TRHDE: variants seen among roughly 807,000 people sequenced by gnomAD.
TRHDE encodes thyrotropin-releasing hormone-degrading ectoenzyme.
A neutral mutation model predicts 125.7 loss-of-function variants in TRHDE; 72 were observed. That is an observed-to-expected ratio of 0.57 (90% confidence interval 0.47 to 0.70). The LOEUF (loss-of-function observed/expected upper bound fraction) is 0.70, where lower values mean the gene tolerates loss of function less well. TRHDE is among the 30% of genes least tolerant of loss of function. TRHDE has a pLI of 0.00. For synonymous variants in TRHDE, 509 were observed against 509.1 expected (o/e 1.00, Z 0.00); for missense variants, 1,110 against 1,327.1 (o/e 0.84, Z 2.54).
At chr12:72,120,798 C>T (rs920377243) in intron 2 of TRHDE, among the ~76,000 whole-genome samples, 1 of 151,630 alleles carries the variant, frequency 6.6e-6, no homozygotes, top group African/African-American at 2.4e-5. Context: ...CCTGCCTCAG[C>T]CTCCTGAGTA....
intron 2 of TRHDE, among the ~76,000 whole-genome samples, chr12:72,227,357 G>A (rs1394274461): frequency 6.6e-6 from 1 of 152,042 alleles, no homozygotes; most frequent in Non-Finnish European, 1.5e-5. Context: ...GCAGGCAAGC[G>A]AGAGCTTGTG....
intron 2 of TRHDE, among the ~76,000 whole-genome samples, chr12:72,198,117 C>T (rs1877480828): frequency 6.6e-6 from 1 of 151,978 alleles, no homozygotes; most frequent in Non-Finnish European, 1.5e-5. Context: ...TTTCAAGATT[C>T]ATTCATCTTA....
intron 2 of TRHDE, among the ~76,000 whole-genome samples, chr12:72,178,636 G>A (rs1294239946): frequency 6.6e-6 from 1 of 152,058 alleles, no homozygotes; most frequent in Non-Finnish European, 1.5e-5. Flanking sequence ...GCTGAGTGGA[G>A]TAGTTCCAGA....
chr12:72,185,682 C>A (rs1254577290), intron 2 of TRHDE, among the ~76,000 whole-genome samples: 1 of 151,040 alleles, frequency 6.6e-6, no homozygotes, highest in Non-Finnish European at 1.5e-5. Context: ...TGTAAATACA[C>A]CAATCAGCAC....
At chr12:72,619,061 T>C (rs1677485597) in intron 13 of TRHDE, 23 bp downstream of exon 13, 1 of 1,505,206 alleles carries the variant, frequency 6.6e-7, no homozygotes, top group Admixed American at 2.3e-5. Flanking sequence ...AATTTTTCTT[T>C]CTAATTTTTA....
intron 2 of TRHDE, among the ~76,000 whole-genome samples, chr12:72,138,659 T>C (rs959028845): frequency 2.0e-5 from 3 of 152,242 alleles, no homozygotes; most frequent in African/African-American, 7.2e-5. Flanking sequence ...CAGATAATTG[T>C]GTGCAAGGTG....
chr12:72,292,016 ATG>A (rs1446280225), intron 2 of TRHDE, among the ~76,000 whole-genome samples: 1 of 152,208 alleles, frequency 6.6e-6, no homozygotes, highest in African/African-American at 2.4e-5. Context: ...TTGGCTTTTT[ATG>A]TATCAAGTTA....
intron 10 of TRHDE, among the ~76,000 whole-genome samples, chr12:72,569,637 C>T (rs184430803): frequency 6.6e-5 from 10 of 152,238 alleles, no homozygotes; most frequent in Admixed American, 3.3e-4. Flanking sequence ...GTCAGCAGTA[C>T]GAACACTTAC....
intron 7 of TRHDE, among the ~76,000 whole-genome samples, chr12:72,555,694 T>C: frequency 6.6e-6 from 1 of 152,192 alleles, no homozygotes; most frequent in South Asian, 2.1e-4. Context: ...GTAGTCTCCT[T>C]GCTCCTGTTT....
chr12:72,221,974 T>C (rs533248870), intron 2 of TRHDE, among the ~76,000 whole-genome samples: 10 of 152,116 alleles, frequency 6.6e-5, no homozygotes, highest in African/African-American at 2.4e-4. Context: ...GGCCTCTTCA[T>C]GTGGTTCCTT....
At chr12:72,098,384 T>C (rs977733300) in intron 1 of TRHDE, among the ~76,000 whole-genome samples, 4 of 152,290 alleles carry the variant, frequency 2.6e-5, no homozygotes, top group African/African-American at 2.4e-5. Flanking sequence ...AATGCTGACA[T>C]TGATGCAGTC....
At chr12:72,504,519 G>T (rs1592495698) in intron 6 of TRHDE, among the ~76,000 whole-genome samples, 1 of 152,088 alleles carries the variant, frequency 6.6e-6, no homozygotes, top group African/African-American at 2.4e-5. Flanking sequence ...GGCCAGGCTG[G>T]TCTTGAACTC....
chr12:72,228,064 C>T (rs542485441), intron 2 of TRHDE, among the ~76,000 whole-genome samples: 1 of 152,276 alleles, frequency 6.6e-6, no homozygotes, highest in South Asian at 2.1e-4. Flanking sequence ...AGTGGATCTA[C>T]CATTCTGGTG....
rs573025156 is a variant in TRHDE, at chr12:72,574,812, C to G, written c.2132-443C>G. On this transcript the variant is annotated intron_variant, in intron 10 of 18. Transcript: ENST00000261180. ...GAAAGCACAAGAAAAAGGCAAACAACAGTGACTTTCAAGTAAATGAGCTCT... is the reference window on the plus strand; with the variant it reads ...GAAAGCACAAGAAAAAGGCAAACAAGAGTGACTTTCAAGTAAATGAGCTCT... 4.6e-5 allele frequency among the ~76,000 whole-genome samples: 7 copies of G among 152,212 alleles called. No homozygotes were observed. In the East Asian group the frequency reaches 1.4e-3, roughly 29 times the overall value.
At chr12:72,242,155 C>A (rs1354239311) in intron 2 of TRHDE, among the ~76,000 whole-genome samples, 1 of 152,152 alleles carries the variant, frequency 6.6e-6, no homozygotes, top group Non-Finnish European at 1.5e-5. Flanking sequence ...TAATGTTCAT[C>A]AATTTTTAAA....
chr12:72,433,167 A>G (rs928507305), intron 3 of TRHDE, among the ~76,000 whole-genome samples: 1 of 152,114 alleles, frequency 6.6e-6, no homozygotes, highest in Non-Finnish European at 1.5e-5. Context: ...CATGGTATAT[A>G]ATCATTTTGA....
intron 12 of TRHDE, among the ~76,000 whole-genome samples, chr12:72,597,124 G>A (rs1871973516): frequency 6.6e-6 from 1 of 152,132 alleles, no homozygotes; most frequent in Non-Finnish European, 1.5e-5. Flanking sequence ...CACTGAGATA[G>A]CACTATAAGA....
chr12:72,381,395 G>GT (rs61184961), intron 3 of TRHDE, among the ~76,000 whole-genome samples: 4,274 of 137,938 alleles, frequency 0.031, 141 homozygotes, highest in African/African-American at 0.078. Context: ...AGATACGAAA[G>GT]TTTTTTTTTT....
At chr12:72,284,661 T>G (rs1378314986) in intron 1 of TRHDE, among the ~76,000 whole-genome samples, 4 of 152,248 alleles carry the variant, frequency 2.6e-5, no homozygotes, top group Non-Finnish European at 5.9e-5. Context: ...TTTACTGTTT[T>G]GAAATGTAAT....
Sources: allele counts gnomAD v4.1 joint callset (sites outside exome capture counted in the v4.1 genomes callset), GRCh38; gene constraint gnomAD v4.1.1; transcripts MANE v1.5; gene names NCBI Gene and HGNC (gene_info 2026-07-23, HGNC 2026-07-21).